Variants in NOSTRIN observed in about 807,000 individuals in gnomAD.
NOSTRIN encodes nitric oxide synthase trafficking.
A neutral mutation model predicts 59.0 loss-of-function variants in NOSTRIN; 63 were observed. The ratio of observed to expected loss-of-function variants is 1.07; its 90% CI spans 0.87 to 1.32. The LOEUF (loss-of-function observed/expected upper bound fraction) is 1.32, where lower values mean the gene tolerates loss of function less well. Ranked by LOEUF, NOSTRIN falls within the 40% of genes most tolerant of loss-of-function variation. NOSTRIN has a pLI of 0.00. For synonymous variants in NOSTRIN, 200 were observed against 165.4 expected (o/e 1.21, Z -1.61); for missense variants, 512 against 473.1 (o/e 1.08, Z -0.76).
chr2:168,791,014 T>G (rs1210324536), intron 2 of NOSTRIN, among the ~76,000 whole-genome samples: 1 of 152,136 alleles, frequency 6.6e-6, no homozygotes, highest in East Asian at 1.9e-4. Flanking sequence ...TTATTACACT[T>G]TAAGTTTTAG....
At chr2:168,833,036 A>C (rs886440986) in intron 6 of NOSTRIN, among the ~76,000 whole-genome samples, 1 of 152,258 alleles carries the variant, frequency 6.6e-6, no homozygotes, top group African/African-American at 2.4e-5. Context: ...ATTGCTCCCA[A>C]GAAAAAACAT....
At position 168,855,332 on chromosome 2, in the gene NOSTRIN, A is replaced by T; in HGVS notation, c.856-20A>T. 2 of 1,331,152 alleles carry T rather than the reference A, an allele frequency of 1.5e-6. No homozygotes were observed. The highest frequency in any genetic ancestry group is 2.1e-6 in the Non-Finnish European group (2 of 941,166). 82.5% of individuals were successfully genotyped at this position (1,331,152 alleles called of 1,614,324 possible). On this transcript the variant is annotated intron_variant, in intron 10 of 15. Coordinates refer to ENST00000317647, the MANE Select transcript of NOSTRIN (RefSeq NM_001039724.4). The stretch of plus-strand genomic sequence containing the variant: ...TCTTACTTCTTCCCCCTTGTTAGAC[A>T]TCCTTCTTTTTTCCTAAAGGAAGAA...
intron 8 of NOSTRIN, among the ~76,000 whole-genome samples, chr2:168,844,645 C>A (rs964445959): frequency 1.3e-5 from 2 of 151,938 alleles, no homozygotes; most frequent in South Asian, 2.1e-4. Flanking sequence ...CAGAGGCGGG[C>A]GGATCAAGAG....
chr2:168,800,147 C>T (rs1283798916), upstream of NOSTRIN, among the ~76,000 whole-genome samples: 6 of 152,204 alleles, frequency 3.9e-5, no homozygotes, highest in Admixed American at 3.9e-4. Flanking sequence ...CAGCTAGCTC[C>T]CAGCCAGCCC....
chr2:168,829,473 A>G (rs901785440), intron 5 of NOSTRIN, among the ~76,000 whole-genome samples: 3 of 152,014 alleles, frequency 2.0e-5, no homozygotes, highest in Non-Finnish European at 4.4e-5. Context: ...GGTGCCTGCC[A>G]CCACGCCTGG....
chr2:168,813,268 C>T (rs1686242270), intron 2 of NOSTRIN, among the ~76,000 whole-genome samples: 2 of 152,278 alleles, frequency 1.3e-5, no homozygotes, highest in Admixed American at 6.5e-5. Context: ...AGGCATGTAA[C>T]GTGGGTTGTA....
intron 3 of NOSTRIN, among the ~76,000 whole-genome samples, chr2:168,826,482 TCTTTCC>T (rs1687074336): frequency 6.7e-6 from 1 of 150,058 alleles, no homozygotes; most frequent in Non-Finnish European, 1.5e-5. Context: ...TCGTTCCTTC[TCTTTCC>T]ATTTTTACCC....
chr2:168,816,432 C>A (rs1173949691), intron 2 of NOSTRIN, among the ~76,000 whole-genome samples: 1 of 152,192 alleles, frequency 6.6e-6, no homozygotes, highest in Non-Finnish European at 1.5e-5. Flanking sequence ...ATGATCCCTG[C>A]CTCTCTCCTT....
Position 168,843,579 on chromosome 2 carries a change from TAAAG to T in NOSTRIN, c.630+465_630+468del, listed in dbSNP as rs545994609. 4.4e-3 allele frequency among the ~76,000 whole-genome samples: 662 copies of T among 152,064 alleles called. 7 individuals carry two copies. The highest frequency in any genetic ancestry group is 0.015 in the African/African-American group (605 of 41,458). On this transcript the variant is annotated intron_variant, in intron 8 of 15. Coordinates refer to ENST00000317647, the MANE Select transcript of NOSTRIN (RefSeq NM_001039724.4). ...CATCTCAGTGGCAAAAGTAGACACA[TAAAG>T]AAGGAATTGTGGCAAATTATCTGAT...
At chr2:168,848,180 G>A (rs896849567) in intron 8 of NOSTRIN, among the ~76,000 whole-genome samples, 1 of 152,194 alleles carries the variant, frequency 6.6e-6, no homozygotes, top group Non-Finnish European at 1.5e-5. Flanking sequence ...TTTGTTTTAC[G>A]TATTTGTTAT....
intron 8 of NOSTRIN, among the ~76,000 whole-genome samples, chr2:168,848,550 G>T (rs1688562271): frequency 7.2e-6 from 1 of 139,710 alleles, no homozygotes; most frequent in Non-Finnish European, 1.6e-5. Flanking sequence ...GTGTTCAAAT[G>T]ACTATATACC....
chr2:168,800,314 CT>C (rs1356672960), upstream of NOSTRIN, among the ~76,000 whole-genome samples: 5 of 152,236 alleles, frequency 3.3e-5, no homozygotes, highest in Non-Finnish European at 5.9e-5. Context: ...CACTGGGTTT[CT>C]GTTTGTTACA....
At chr2:168,861,283 T>C (rs1479428965) in intron 14 of NOSTRIN, among the ~76,000 whole-genome samples, 1 of 152,140 alleles carries the variant, frequency 6.6e-6, no homozygotes, top group Non-Finnish European at 1.5e-5. Context: ...GCGAGACACA[T>C]GGTGATCCAG....
chr2:168,814,458 G>T (rs1343873081), intron 2 of NOSTRIN, among the ~76,000 whole-genome samples: 3 of 152,130 alleles, frequency 2.0e-5, no homozygotes, highest in African/African-American at 7.2e-5. Flanking sequence ...TCCTCTTAAA[G>T]GTGGGCTTAT....
At chr2:168,863,282 T>C in intron 15 of NOSTRIN, 2 of 432,278 alleles carry the variant, frequency 4.6e-6, no homozygotes, top group Non-Finnish European at 6.2e-6. Flanking sequence ...AGGGAGAACT[T>C]AGAGACCGAG....
At chr2:168,805,071 A>G (rs2105523507) in intron 1 of NOSTRIN, among the ~76,000 whole-genome samples, 1 of 152,320 alleles carries the variant, frequency 6.6e-6, no homozygotes, top group South Asian at 2.1e-4. Context: ...TTCCTTTTTA[A>G]CCCTACGCTA....
In NOSTRIN at chr2:168,861,624, C is replaced by T. The variant is rs79487134; in HGVS notation, c.1295-336C>T. On this transcript the variant is annotated intron_variant, in intron 14 of 15. Coordinates refer to ENST00000317647, the MANE Select transcript of NOSTRIN (RefSeq NM_001039724.4). ...TAACATGCACATGCCCCAAATATCC[C>T]GTATTTATACCTGAATGGCAAAACT... 9.5e-3 allele frequency among the ~76,000 whole-genome samples: 1,450 copies of T among 152,200 alleles called. 29 individuals are homozygous for T. Among genetic ancestry groups the T allele is most frequent in the African/African-American group, 0.033 (1,365 of 41,516 alleles).
At chr2:168,859,718 A>G (rs1689326654) in intron 13 of NOSTRIN, 81 bp downstream of exon 13, 1 of 1,514,202 alleles carries the variant, frequency 6.6e-7, no homozygotes, top group Non-Finnish European at 8.9e-7. Context: ...AGGGCAAAAA[A>G]GGTGTTAGGA....
chr2:168,844,972 G>A (rs1688327754), intron 8 of NOSTRIN, among the ~76,000 whole-genome samples: 3 of 152,014 alleles, frequency 2.0e-5, no homozygotes, highest in East Asian at 1.9e-4. Flanking sequence ...GAAACCCAAC[G>A]GCTGCATTTA....
Sources: allele counts gnomAD v4.1 joint callset (sites outside exome capture counted in the v4.1 genomes callset), GRCh38; gene constraint gnomAD v4.1.1; transcripts MANE v1.5; gene names NCBI Gene and HGNC (gene_info 2026-07-23, HGNC 2026-07-21).